The following NF1 variants were observed in gnomAD, a reference collection of about 807,000 sequenced individuals.
NF1 encodes neurofibromin.
In NF1, 122 loss-of-function variants were observed where a neutral mutation model predicts 325.7. The ratio of observed to expected loss-of-function variants is 0.37; its 90% CI spans 0.32 to 0.44. NF1 has a LOEUF of 0.44. Ranked by LOEUF, NF1 falls within the 20% of genes least tolerant of loss-of-function variation. NF1 has a pLI of 1.00. For synonymous variants in NF1, 1,091 were observed against 1,186.0 expected, an observed-to-expected ratio of 0.92 and a Z score of 1.65; for missense variants, 2,140 against 3,415.4, an observed-to-expected ratio of 0.63 and a Z score of 9.31.
chr17:31,287,033 A>G (rs893642092), intron 36 of NF1, among the ~76,000 whole-genome samples: 3 of 152,232 alleles, frequency 2.0e-5, no homozygotes, highest in African/African-American at 7.2e-5. Context: ...AGATTTATTG[A>G]TCCTTGGCCT....
At chr17:31,180,995 A>G (rs930607777) in intron 5 of NF1, among the ~76,000 whole-genome samples, 16 of 152,190 alleles carry the variant, frequency 1.1e-4, no homozygotes, top group African/African-American at 2.4e-5. Flanking sequence ...TCCCATTCAC[A>G]ACTGCTACAA....
chr17:31,249,029 T>A lies in NF1; in HGVS notation c.4020T>A (p.Leu1340=). The change falls in exon 30 of 58, where the codon CTT becomes CTA. Residue 1340 remains leucine (L), a synonymous_variant. Coordinates refer to ENST00000358273, the MANE Select transcript of NF1 (RefSeq NM_001042492.3). ...TTGAGGAAAACCAGCGGAACCTCCTTCAGATGACTGAAAAGTTCTTCCATG... is the reference window on the plus strand; with the variant it reads ...TTGAGGAAAACCAGCGGAACCTCCTACAGATGACTGAAAAGTTCTTCCATG... ...ESLEENQRNL[L]QMTEKFFHAI... is the part of the protein sequence containing the mutation. The A allele has an allele frequency of 6.2e-7, 1 of 1,614,114 alleles. No individual in the cohort carries two copies. The highest frequency in any genetic ancestry group is 1.1e-5 in the South Asian group (1 of 91,082).
intron 8 of NF1, among the ~76,000 whole-genome samples, chr17:31,190,093 A>AG (rs1311301779): frequency 4.0e-5 from 6 of 150,014 alleles, no homozygotes; most frequent in Middle Eastern, 3.4e-3. Context: ...GTATTACAAA[A>AG]AAAAAAAAAA....
intron 36 of NF1, among the ~76,000 whole-genome samples, chr17:31,312,531 A>G (rs1288599187): frequency 1.3e-5 from 2 of 151,966 alleles, no homozygotes; most frequent in South Asian, 4.1e-4. Flanking sequence ...AAAAAAAAAA[A>G]AAAAGTATGG....
At chr17:31,229,683 T>C in intron 21 of NF1, 152 bp from the exon 22 acceptor site, 1 of 1,045,992 alleles carries the variant, frequency 9.6e-7, no homozygotes, top group Non-Finnish European at 1.5e-6. Context: ...TGTGTATGGG[T>C]ACGAGTGTCT....
intron 1 of NF1, among the ~76,000 whole-genome samples, chr17:31,119,116 T>G (rs564214252): frequency 6.6e-6 from 1 of 152,172 alleles, no homozygotes; most frequent in African/African-American, 2.4e-5. Flanking sequence ...TAATTTTTTG[T>G]ATCTTTAGTA....
At chr17:31,273,517 T>A (rs994188795) in intron 36 of NF1, 2 of 152,230 alleles carry the variant, frequency 1.3e-5, no homozygotes, top group African/African-American at 4.8e-5. Flanking sequence ...CTCTAACATA[T>A]ATATTAAAAG....
In NF1 at chr17:31,356,401, A is replaced by G. The variant is rs2070271312; in HGVS notation, c.7616-59A>G. On this transcript the variant is annotated intron_variant, in intron 51 of 57. Transcript: ENST00000358273. Reference sequence around the variant, plus strand: ...TGTCCAAACATTTTCTTTTTAGTGTATTCCCATTTATAGACACTGTAGTTA... The same window carrying G: ...TGTCCAAACATTTTCTTTTTAGTGTGTTCCCATTTATAGACACTGTAGTTA... 4.5e-6 allele frequency: 7 copies of G among 1,561,780 alleles called. No homozygotes were observed. In the South Asian group the frequency reaches 7.8e-5, roughly 17 times the overall value.
At chr17:31,243,705 G>A (rs1159380812) in intron 29 of NF1, among the ~76,000 whole-genome samples, 1 of 151,102 alleles carries the variant, frequency 6.6e-6, no homozygotes, top group Non-Finnish European at 1.5e-5. Context: ...TCTCCCTTAA[G>A]GCCTTGGGGC....
At chr17:31,321,793 C>T (rs1250111646) in intron 36 of NF1, 4 of 151,962 alleles carry the variant, frequency 2.6e-5, no homozygotes, top group South Asian at 2.1e-4. Flanking sequence ...AACCAATCCC[C>T]GCCTCCAGAG....
intron 8 of NF1, among the ~76,000 whole-genome samples, chr17:31,194,469 T>C (rs1215239111): frequency 6.6e-6 from 1 of 152,104 alleles, no homozygotes; most frequent in Admixed American, 6.6e-5. Flanking sequence ...TAGTGTTGTA[T>C]ACCACTGTAA....
Position 31,340,651 on chromosome 17 carries a change from C to T in NF1, c.7062+6C>T, listed in dbSNP as rs2069795623. The T allele has an allele frequency of 6.2e-7, 1 of 1,613,746 alleles. No homozygotes were observed. The highest frequency in any genetic ancestry group is 1.1e-5 in the South Asian group (1 of 91,080). ...TCCGTATATTCAATGACAAGGTAAG[C>T]AAACTTTGCCTTGAGGTTCCTAGAT... On this transcript the variant is annotated splice_donor_region_variant and intron_variant, in intron 47 of 57. Coordinates refer to ENST00000358273, the MANE Select transcript of NF1 (RefSeq NM_001042492.3).
chr17:31,158,986 T>C (rs1234440187), intron 2 of NF1, 24 bp from the exon 3 acceptor site: 6 of 1,421,262 alleles, frequency 4.2e-6, no homozygotes, highest in African/African-American at 1.4e-5. Flanking sequence ...CTAACTTTTA[T>C]GTTCTGAATA....
intron 2 of NF1, among the ~76,000 whole-genome samples, chr17:31,157,180 G>A (rs2065679001): frequency 6.6e-6 from 1 of 152,054 alleles, no homozygotes; most frequent in Admixed American, 6.5e-5. Context: ...GTAGAGACGA[G>A]GTTTCACTAT....
At chr17:31,310,042 G>A (rs2068826841) in intron 36 of NF1, among the ~76,000 whole-genome samples, 1 of 152,122 alleles carries the variant, frequency 6.6e-6, no homozygotes, top group Non-Finnish European at 1.5e-5. Flanking sequence ...AGGGAATATG[G>A]TAGTGGAAAA....
At chr17:31,149,372 C>CA (rs1299332068) in intron 1 of NF1, among the ~76,000 whole-genome samples, 1 of 152,020 alleles carries the variant, frequency 6.6e-6, no homozygotes, top group Admixed American at 6.6e-5. Flanking sequence ...GGGCTTAGCT[C>CA]ACTGCAGCCT....
chr17:31,164,361 T>C (rs1597637336), intron 4 of NF1, among the ~76,000 whole-genome samples: 1 of 152,224 alleles, frequency 6.6e-6, no homozygotes, highest in Non-Finnish European at 1.5e-5. Context: ...GTATAGGTAG[T>C]GCTCTATGGG....
intron 36 of NF1, among the ~76,000 whole-genome samples, chr17:31,309,924 C>T (rs1163564868): frequency 6.6e-6 from 1 of 152,160 alleles, no homozygotes; most frequent in African/African-American, 2.4e-5. Context: ...AGCTTTTTAT[C>T]CTCCTAGGAT....
chr17:31,305,703 A>G (rs2068701561), intron 36 of NF1: 1 of 1,307,148 alleles, frequency 7.7e-7, no homozygotes, highest in South Asian at 1.5e-5. Context: ...TTGACTTTTC[A>G]TTATGATTCC....
Sources: allele counts gnomAD v4.1 joint callset (sites outside exome capture counted in the v4.1 genomes callset), GRCh38; gene constraint gnomAD v4.1.1; transcripts MANE v1.5; gene names NCBI Gene and HGNC (gene_info 2026-07-23, HGNC 2026-07-21).